The following AGMO variants were observed in gnomAD, a reference collection of about 807,000 sequenced individuals.
The protein encoded by AGMO is alkylglycerol monooxygenase.
AGMO carries 75 observed loss-of-function variants against 60.2 expected under a neutral mutation model. That is an observed-to-expected ratio of 1.25 (90% CI 1.03 to 1.51). AGMO has a LOEUF of 1.51. Ranked by LOEUF, AGMO falls within the 40% of genes most tolerant of loss-of-function variation. The pLI, the probability that AGMO is intolerant of heterozygous loss-of-function variation, is 0.00. For missense variants in AGMO, 763 were observed against 525.5 expected, an observed-to-expected ratio of 1.45 and a Z score of -4.42; for synonymous variants, 261 against 177.1, an observed-to-expected ratio of 1.47 and a Z score of -3.76.
At chr7:15,260,824 C>G (rs963270155) in intron 12 of AGMO, among the ~76,000 whole-genome samples, 4 of 152,010 alleles carry the variant, frequency 2.6e-5, no homozygotes, top group African/African-American at 9.7e-5. Context: ...CTCTCTCTGA[C>G]CACAGCGGAA....
intron 12 of AGMO, among the ~76,000 whole-genome samples, chr7:15,245,589 C>G (rs1465261407): frequency 6.6e-6 from 1 of 151,358 alleles, no homozygotes; most frequent in Non-Finnish European, 1.5e-5. Context: ...CATAAATATT[C>G]CAAGACTACC....
chr7:15,479,173 A>C (rs1295626708), intron 3 of AGMO, among the ~76,000 whole-genome samples: 1 of 152,146 alleles, frequency 6.6e-6, no homozygotes, highest in Non-Finnish European at 1.5e-5. Context: ...AATATGATAT[A>C]ATTCGTGTGA....
chr7:15,546,030 T>G (rs1784773109), intron 2 of AGMO, among the ~76,000 whole-genome samples: 1 of 152,120 alleles, frequency 6.6e-6, no homozygotes, highest in South Asian at 2.1e-4. Flanking sequence ...AATTTTTTAT[T>G]TTTACAGTAT....
intron 3 of AGMO, among the ~76,000 whole-genome samples, chr7:15,485,218 G>C (rs1782882039): frequency 6.6e-6 from 1 of 151,514 alleles, no homozygotes; most frequent in Admixed American, 6.6e-5. Context: ...TATGGAGGCT[G>C]AGGCAGGAGA....
chr7:15,554,903 A>C (rs1785081387), intron 2 of AGMO, among the ~76,000 whole-genome samples: 1 of 151,828 alleles, frequency 6.6e-6, no homozygotes, highest in African/African-American at 2.4e-5. Context: ...TCAGTGTCTA[A>C]GGATAATTTA....
the AGMO span, among the ~76,000 whole-genome samples, chr7:15,145,360 A>G: frequency 6.6e-6 from 1 of 152,212 alleles, no homozygotes; most frequent in East Asian, 1.9e-4. Flanking sequence ...AAAGATATTT[A>G]AAATAAATGA....
At chr7:15,236,693 A>C (rs540792907) in intron 12 of AGMO, among the ~76,000 whole-genome samples, 1 of 152,278 alleles carries the variant, frequency 6.6e-6, no homozygotes, top group Admixed American at 6.5e-5. Context: ...ATATGATTTA[A>C]AGATGCAGAT....
intron 12 of AGMO, among the ~76,000 whole-genome samples, chr7:15,308,295 A>T (rs998183104): frequency 1.3e-5 from 2 of 152,052 alleles, no homozygotes; most frequent in Non-Finnish European, 2.9e-5. Flanking sequence ...ATAAATTTGC[A>T]TATTTTTTCC....
intron 12 of AGMO, among the ~76,000 whole-genome samples, chr7:15,299,476 C>G (rs2128525290): frequency 6.6e-6 from 1 of 152,184 alleles, no homozygotes; most frequent in South Asian, 2.1e-4. Flanking sequence ...GGACTGATAT[C>G]CATTTCTCAT....
At chr7:15,477,047 T>C (rs1782610787) in intron 3 of AGMO, among the ~76,000 whole-genome samples, 1 of 152,086 alleles carries the variant, frequency 6.6e-6, no homozygotes, top group African/African-American at 2.4e-5. Flanking sequence ...CTCTTTTTCA[T>C]TGAATGGCAT....
chr7:15,337,803 T>C (rs1479749070), intron 12 of AGMO, among the ~76,000 whole-genome samples: 10 of 152,192 alleles, frequency 6.6e-5, no homozygotes, highest in South Asian at 2.1e-4. Context: ...ATTTAGCAGA[T>C]TGCTAACGCT....
At chr7:15,261,078 T>C (rs554700843) in intron 12 of AGMO, among the ~76,000 whole-genome samples, 2 of 152,026 alleles carry the variant, frequency 1.3e-5, no homozygotes, top group Non-Finnish European at 2.9e-5. Flanking sequence ...TGAGCATAAA[T>C]AGACAATCTA....
chr7:15,224,334 G>A (rs1043548356), intron 12 of AGMO, among the ~76,000 whole-genome samples: 7 of 151,994 alleles, frequency 4.6e-5, no homozygotes, highest in Admixed American at 1.3e-4. Flanking sequence ...TTATGAGGAG[G>A]TAATTAGGTC....
intron 12 of AGMO, among the ~76,000 whole-genome samples, chr7:15,365,196 A>T (rs991582761): frequency 3.3e-5 from 5 of 151,856 alleles, no homozygotes; most frequent in African/African-American, 1.2e-4. Context: ...AACTTCTTGT[A>T]AAATCAATTC....
chr7:15,557,762 A>G (rs531065012), intron 2 of AGMO, among the ~76,000 whole-genome samples: 2 of 152,232 alleles, frequency 1.3e-5, no homozygotes, highest in African/African-American at 4.8e-5. Context: ...ACATTTCATA[A>G]TTTAGAATTG....
Position 15,387,551 on chromosome 7 carries a change from TAAAA to T in AGMO, c.823-15_823-12del. The T allele has an allele frequency of 6.3e-7, 1 of 1,586,198 alleles. No homozygotes were observed. The highest frequency in any genetic ancestry group is 8.5e-7 in the Non-Finnish European group (1 of 1,170,022). Reference sequence around the variant, plus strand: ...AAATAAGTGATGGAACTAGAAACAATAAAAAAAGAGCTTATTTCACATAAGATAA... The same window carrying T: ...AAATAAGTGATGGAACTAGAAACAATAAAGAGCTTATTTCACATAAGATAA... On this transcript the variant is annotated splice_polypyrimidine_tract_variant and intron_variant, in intron 8 of 12. Coordinates refer to ENST00000342526, the MANE Select transcript of AGMO (RefSeq NM_001004320.2).
At chr7:15,259,899 CAAAAAAA>C (rs71549927) in intron 12 of AGMO, among the ~76,000 whole-genome samples, 8 of 9,398 alleles carry the variant, frequency 8.5e-4, no homozygotes, top group Non-Finnish European at 1.2e-3. Context: ...ACAAGAACTG[CAAAAAAA>C]AAAAAAAAAA....
chr7:15,418,859 T>A (rs1399150739), intron 4 of AGMO, among the ~76,000 whole-genome samples: 5 of 151,878 alleles, frequency 3.3e-5, no homozygotes, highest in African/African-American at 1.2e-4. Context: ...CCACTGGACT[T>A]TGATTTTGCA....
chr7:15,278,105 A>T (rs2128517407), intron 12 of AGMO, among the ~76,000 whole-genome samples: 1 of 146,950 alleles, frequency 6.8e-6, no homozygotes, highest in Admixed American at 6.7e-5. Context: ...TGTAACTGAA[A>T]GCCGTGGAAT....
Sources: allele counts gnomAD v4.1 joint callset (sites outside exome capture counted in the v4.1 genomes callset), GRCh38; gene constraint gnomAD v4.1.1; transcripts MANE v1.5; gene names NCBI Gene and HGNC (gene_info 2026-07-23, HGNC 2026-07-21).